GABRA3: variants seen among roughly 807,000 people sequenced by gnomAD.
The protein encoded by GABRA3 is gamma-aminobutyric acid receptor subunit alpha-3.
GABRA3 carries 10 observed loss-of-function variants against 30.1 expected under a neutral mutation model. The ratio of observed to expected loss-of-function variants is 0.33; its 90% confidence interval spans 0.20 to 0.56. The LOEUF is 0.56. Ranked by LOEUF, GABRA3 falls within the 20% of genes least tolerant of loss-of-function variation. The pLI is 0.89. For synonymous variants in GABRA3, 151 were observed against 146.8 expected, an observed-to-expected ratio of 1.03 and a Z score of -0.21; for missense variants, 233 against 392.0, an observed-to-expected ratio of 0.59 and a Z score of 3.42.
At chrX:152,419,454 T>C (rs1241978494) in intron 1 of GABRA3, among the ~76,000 whole-genome samples, 1 of 111,251 alleles carries the variant, frequency 9.0e-6, no homozygotes, top group Non-Finnish European at 1.9e-5. Context: ...CAATAGACAC[T>C]AAAGAGAAAA....
chrX:152,381,574 T>G (rs191375120), intron 1 of GABRA3, among the ~76,000 whole-genome samples: 2 of 111,801 alleles, frequency 1.8e-5, no homozygotes, highest in East Asian at 5.6e-4. Flanking sequence ...TTATTATGTA[T>G]ACTTTAAGTT....
chrX:152,330,846 T>C (rs1251511572), intron 3 of GABRA3, among the ~76,000 whole-genome samples: 2 of 111,477 alleles, frequency 1.8e-5, no homozygotes, highest in Non-Finnish European at 3.8e-5. Context: ...CTTAAAAGTA[T>C]AATAAAAAAA....
intron 1 of GABRA3, among the ~76,000 whole-genome samples, chrX:152,369,269 C>G (rs781355703): frequency 4.5e-5 from 5 of 111,591 alleles, no homozygotes; most frequent in African/African-American, 1.6e-4. Context: ...AATGCATATG[C>G]TAATTAGCTG....
At chrX:152,252,584 T>G (rs1255484101) in intron 5 of GABRA3, among the ~76,000 whole-genome samples, 2 of 111,795 alleles carry the variant, frequency 1.8e-5, no homozygotes, top group East Asian at 5.6e-4. Context: ...AGTACTATAT[T>G]GATGTTAATT....
At chrX:152,419,317 AAC>A (rs1930317413) in intron 1 of GABRA3, among the ~76,000 whole-genome samples, 1 of 111,392 alleles carries the variant, frequency 9.0e-6, no homozygotes, top group Admixed American at 9.6e-5. Flanking sequence ...AAATAAATGT[AAC>A]ACACAAAAAA....
intron 1 of GABRA3, among the ~76,000 whole-genome samples, chrX:152,387,796 G>C (rs1569415003): frequency 9.0e-6 from 1 of 111,330 alleles, no homozygotes; most frequent in Non-Finnish European, 1.9e-5. Flanking sequence ...CAATTCTGTT[G>C]AAGATAGGAC....
chrX:152,214,587 A>G (rs140159207), intron 6 of GABRA3, among the ~76,000 whole-genome samples: 15,859 of 110,538 alleles, frequency 0.14, 865 homozygotes, highest in Admixed American at 0.23. Flanking sequence ...TATGAATTTT[A>G]GAATGTTTTT....
intron 1 of GABRA3, among the ~76,000 whole-genome samples, chrX:152,411,311 T>A (rs1389845241): frequency 1.8e-5 from 2 of 110,071 alleles, no homozygotes; most frequent in African/African-American, 6.6e-5. Flanking sequence ...TGAGACCCTG[T>A]CTCAAAAATG....
chrX:152,196,994 G>A (rs777289825), intron 8 of GABRA3, among the ~76,000 whole-genome samples: 10 of 112,280 alleles, frequency 8.9e-5, no homozygotes, highest in Non-Finnish European at 1.9e-4. Context: ...GGCCAGTTTA[G>A]TAGCTGAAAA....
At chrX:152,445,310 A>G (rs1422098774) in intron 1 of GABRA3, among the ~76,000 whole-genome samples, 1 of 110,590 alleles carries the variant, frequency 9.0e-6, no homozygotes, top group African/African-American at 3.3e-5. Context: ...TACCTGGACC[A>G]TTACATTTCA....
chrX:152,411,450 T>C (rs1050749509), intron 1 of GABRA3, among the ~76,000 whole-genome samples: 9 of 111,415 alleles, frequency 8.1e-5, no homozygotes, highest in African/African-American at 2.6e-4. Context: ...AAAAAAAGAA[T>C]CAATTGGGAT....
At chrX:152,320,702 T>C (rs891672032) in intron 3 of GABRA3, among the ~76,000 whole-genome samples, 2 of 111,271 alleles carry the variant, frequency 1.8e-5, no homozygotes. Flanking sequence ...ATACCACCTG[T>C]TCCCCCAAAG....
chrX:152,345,584 C>G lies in GABRA3; in HGVS notation c.259G>C (p.Gly87Arg). Residue 87 changes from glycine (G) to arginine (R), a missense_variant, in exon 3 of 10, where the codon GGA (glycine) becomes CGA (arginine). Coordinates refer to ENST00000370314, the MANE Select transcript of GABRA3 (RefSeq NM_000808.4). The part of the protein sequence containing the change: ...GYDNRLRPGL[G>R]DAVTEVKTDI... ...CAAAGATCTTAAAAGGACTGACCTC[C>G]AAGCCCAGGTCGCAGCCGGTTGTCA... 1 of 1,204,044 alleles carries G rather than the reference C, an allele frequency of 8.3e-7. No individual in the cohort carries two copies. Among genetic ancestry groups the G allele is most frequent in the Non-Finnish European group, 1.1e-6 (1 of 893,047 alleles).
At chrX:152,353,443 C>T (rs1239200956) in intron 2 of GABRA3, among the ~76,000 whole-genome samples, 2 of 111,244 alleles carry the variant, frequency 1.8e-5, no homozygotes, top group African/African-American at 6.5e-5. Flanking sequence ...TAAAGGGTAG[C>T]TAGTTTTCTA....
chrX:152,229,316 C>A (rs1440426100), intron 5 of GABRA3, among the ~76,000 whole-genome samples: 1 of 111,222 alleles, frequency 9.0e-6, no homozygotes, highest in Non-Finnish European at 1.9e-5. Flanking sequence ...AGAGGCAACC[C>A]AGGAAGCCCC....
chrX:152,232,743 C>A (rs1230770522), intron 5 of GABRA3, among the ~76,000 whole-genome samples: 1 of 107,734 alleles, frequency 9.3e-6, no homozygotes, highest in East Asian at 2.9e-4. Context: ...AGGATGGTTC[C>A]ATATATTTGC....
At chrX:152,388,370 A>G (rs1223632030) in intron 1 of GABRA3, among the ~76,000 whole-genome samples, 4 of 111,754 alleles carry the variant, frequency 3.6e-5, no homozygotes, top group Admixed American at 1.9e-4. Flanking sequence ...AAGTGGACAA[A>G]TAAACATTCT....
chrX:152,320,391 C>T (rs900506213), intron 3 of GABRA3, among the ~76,000 whole-genome samples: 1 of 111,708 alleles, frequency 9.0e-6, no homozygotes, highest in African/African-American at 3.3e-5. Context: ...TACTACTCAG[C>T]CATAAAAGGA....
intron 1 of GABRA3, among the ~76,000 whole-genome samples, chrX:152,386,649 A>T (rs368920857): frequency 0.022 from 2,395 of 107,136 alleles, 33 homozygotes; most frequent in South Asian, 0.063. Context: ...AGGAAACAAC[A>T]GGTGCTGGAG....
Sources: gnomAD v4.1 joint callset for allele counts (sites outside exome capture counted in the v4.1 genomes callset) on GRCh38, gnomAD v4.1.1 for gene constraint, MANE v1.5 for transcripts, NCBI Gene and HGNC (gene_info 2026-07-23, HGNC 2026-07-21) for gene names.